Variants in CADM2 observed in about 807,000 individuals in gnomAD.
CADM2 encodes cell adhesion molecule 2.
Under a neutral mutation model 49.8 loss-of-function variants are expected in CADM2, and 12 were observed. That is an observed-to-expected ratio of 0.24 (90% CI 0.15 to 0.39). The LOEUF (loss-of-function observed/expected upper bound fraction) is 0.39, where lower values mean the gene tolerates loss of function less well. CADM2 is among the 10% of genes least tolerant of loss of function. The pLI is 1.00. For missense variants in CADM2, 378 were observed against 492.3 expected (o/e 0.77, Z 2.20); for synonymous variants, 214 against 175.4 (o/e 1.22, Z -1.74).
chr3:85,101,221 T>C (rs1177671736), intron 1 of CADM2, among the ~76,000 whole-genome samples: 1 of 152,180 alleles, frequency 6.6e-6, no homozygotes, highest in African/African-American at 2.4e-5. Context: ...ACCACTGCAC[T>C]ACAGCCTGGG....
chr3:85,637,283 T>C (rs2107539153), intron 1 of CADM2, among the ~76,000 whole-genome samples: 1 of 152,278 alleles, frequency 6.6e-6, no homozygotes, highest in African/African-American at 2.4e-5. Flanking sequence ...TTCTAGAACG[T>C]CTTGAAATAA....
chr3:85,521,433 T>A (rs2061024524), intron 1 of CADM2, among the ~76,000 whole-genome samples: 1 of 152,172 alleles, frequency 6.6e-6, no homozygotes, highest in Admixed American at 6.5e-5. Flanking sequence ...CATTTGCATT[T>A]AAGTGAGATG....
intron 1 of CADM2, among the ~76,000 whole-genome samples, chr3:85,429,613 T>C (rs2036574944): frequency 6.6e-6 from 1 of 152,156 alleles, no homozygotes; most frequent in African/African-American, 2.4e-5. Flanking sequence ...TTCATATTAG[T>C]TAACATCTGC....
intron 1 of CADM2, among the ~76,000 whole-genome samples, chr3:85,573,204 T>A (rs1444222238): frequency 1.7e-5 from 1 of 58,330 alleles, no homozygotes; most frequent in Admixed American, 2.3e-4. Flanking sequence ...TTTATTTATT[T>A]ATTTACTGAG....
intron 1 of CADM2, among the ~76,000 whole-genome samples, chr3:85,542,472 T>G (rs977484995): frequency 6.6e-6 from 1 of 152,204 alleles, no homozygotes; most frequent in Admixed American, 6.6e-5. Flanking sequence ...TCTCATAAGA[T>G]AACTTGCATA....
intron 1 of CADM2, among the ~76,000 whole-genome samples, chr3:85,014,337 TA>T (rs1422984740): frequency 6.6e-6 from 1 of 151,820 alleles, no homozygotes; most frequent in Non-Finnish European, 1.5e-5. Flanking sequence ...AGAATGTTGT[TA>T]TAATTGTTTT....
At chr3:85,419,519 G>T (rs2036073243) in intron 1 of CADM2, among the ~76,000 whole-genome samples, 1 of 151,896 alleles carries the variant, frequency 6.6e-6, no homozygotes, top group Admixed American at 6.6e-5. Flanking sequence ...CTATTCTTGG[G>T]TTACACATAT....
At chr3:85,598,073 A>G (rs75367653) in intron 1 of CADM2, among the ~76,000 whole-genome samples, 2,036 of 152,158 alleles carry the variant, frequency 0.013, 114 homozygotes, top group South Asian at 0.1. Flanking sequence ...CTTTGCTGCC[A>G]TGGGAGACTC....
intron 3 of CADM2, among the ~76,000 whole-genome samples, chr3:85,829,252 C>T (rs1262694730): frequency 6.6e-6 from 1 of 151,768 alleles, no homozygotes; most frequent in Non-Finnish European, 1.5e-5. Flanking sequence ...CTCTGCCAAA[C>T]ATAAGGATCC....
chr3:85,193,608 CAA>C (rs1219472815), intron 1 of CADM2, among the ~76,000 whole-genome samples: 4 of 151,768 alleles, frequency 2.6e-5, no homozygotes, highest in African/African-American at 9.7e-5. Context: ...GCTTTCCAGA[CAA>C]AAAAAGTTAG....
At chr3:85,791,744 G>A (rs888064426) in intron 2 of CADM2, among the ~76,000 whole-genome samples, 1 of 151,994 alleles carries the variant, frequency 6.6e-6, no homozygotes, top group Non-Finnish European at 1.5e-5. Flanking sequence ...TTGTTTTTGA[G>A]ACAGACTCTC....
intron 1 of CADM2, among the ~76,000 whole-genome samples, chr3:85,655,215 T>C (rs1480326593): frequency 2.6e-5 from 4 of 151,612 alleles, no homozygotes; most frequent in African/African-American, 7.3e-5. Context: ...AGTGCAGTGG[T>C]GTGATCTCAG....
chr3:85,130,234 C>T (rs1385351127), intron 1 of CADM2, among the ~76,000 whole-genome samples: 2 of 152,022 alleles, frequency 1.3e-5, no homozygotes, highest in Non-Finnish European at 2.9e-5. Context: ...TGAATAAAAA[C>T]CAAATTTTAA....
intron 1 of CADM2, among the ~76,000 whole-genome samples, chr3:85,078,553 TAA>T (rs368798743): frequency 6.6e-6 from 1 of 151,920 alleles, no homozygotes; most frequent in African/African-American, 2.4e-5. Context: ...ATCATTGAAA[TAA>T]AGACATTCAT....
chr3:85,600,111 T>C lies in CADM2; in HGVS notation c.62-126411T>C, dbSNP rs979942496. Among the ~76,000 whole-genome samples, 3 of 152,096 alleles carry C rather than the reference T, an allele frequency of 2.0e-5. No homozygotes were observed. The East Asian group carries it at 5.8e-4, about 29-fold the overall frequency. On this transcript the variant is annotated intron_variant, in intron 1 of 9. Coordinates refer to ENST00000383699, the MANE Select transcript of CADM2 (RefSeq NM_001167675.2). ...ATTTATTTGATATATTAATAATATT[T>C]CAACTTTCAAATACAAATTATTGCT...
intron 1 of CADM2, among the ~76,000 whole-genome samples, chr3:85,457,675 A>AT (rs1390721308): frequency 6.6e-6 from 1 of 152,176 alleles, no homozygotes; most frequent in Non-Finnish European, 1.5e-5. Context: ...ACAATTGAGG[A>AT]TTAAGTTATA....
chr3:85,292,132 T>G (rs2043817451), intron 1 of CADM2, among the ~76,000 whole-genome samples: 1 of 147,786 alleles, frequency 6.8e-6, no homozygotes, highest in African/African-American at 2.5e-5. Context: ...AGGCAGGGGT[T>G]GCAATCCTAG....
At chr3:85,695,411 T>G (rs929804199) in intron 1 of CADM2, among the ~76,000 whole-genome samples, 1 of 152,084 alleles carries the variant, frequency 6.6e-6, no homozygotes, top group Non-Finnish European at 1.5e-5. Context: ...AGCTCTCACT[T>G]ATAAGTGAGA....
At chr3:85,065,023 T>C (rs917469482) in intron 1 of CADM2, among the ~76,000 whole-genome samples, 2 of 152,126 alleles carry the variant, frequency 1.3e-5, no homozygotes, top group Non-Finnish European at 2.9e-5. Flanking sequence ...TTTATTACCA[T>C]ATAGATGGAG....
Sources: gnomAD v4.1 joint callset for allele counts (sites outside exome capture counted in the v4.1 genomes callset) on GRCh38, gnomAD v4.1.1 for gene constraint, MANE v1.5 for transcripts, NCBI Gene and HGNC (gene_info 2026-07-23, HGNC 2026-07-21) for gene names.